Variants in UBE2L3 observed in about 807,000 individuals in gnomAD.
UBE2L3 encodes the protein ubiquitin conjugating enzyme E2 L3.
Under a neutral mutation model 17.8 loss-of-function variants are expected in UBE2L3, and 1 was observed. The observed-to-expected ratio is 0.06, with a 90% confidence interval of 0.02 to 0.27. The LOEUF is 0.27. Among genes scored for constraint, UBE2L3 ranks in the 10% least tolerant of loss-of-function variants. UBE2L3 has a pLI of 1.00. For missense variants in UBE2L3, 40 were observed against 192.6 expected (o/e 0.21, Z 4.69); for synonymous variants, 44 against 68.5 (o/e 0.64, Z 1.76).
chr22:21,593,088 C>G, intron 2 of UBE2L3, 132 bp downstream of exon 2: 1 of 730,398 alleles, frequency 1.4e-6, no homozygotes, highest in Non-Finnish European at 2.4e-6. Context: ...GTGGCTGTCG[C>G]TCTAGGGTGA....
rs574136348 is a variant in UBE2L3, at chr22:21,595,660, T to G, written c.123+2704T>G. Among the ~76,000 whole-genome samples, 35 of 152,336 alleles carry G rather than the reference T, an allele frequency of 2.3e-4. 1 individual carries two copies. In the South Asian group the frequency reaches 7.0e-3, roughly 31 times the overall value. ...GTCTATTCCCTTTAAACATTTGTTTTTCTGTAATTTTTTTTCATCTAAGAT... is the reference window on the plus strand; with the variant it reads ...GTCTATTCCCTTTAAACATTTGTTTGTCTGTAATTTTTTTTCATCTAAGAT... On this transcript the variant is annotated intron_variant, in intron 2 of 3. Coordinates refer to ENST00000342192, the MANE Select transcript of UBE2L3 (RefSeq NM_003347.4).
At chr22:21,615,123 C>A (rs1929696710) in intron 3 of UBE2L3, among the ~76,000 whole-genome samples, 1 of 151,922 alleles carries the variant, frequency 6.6e-6, no homozygotes, top group Non-Finnish European at 1.5e-5. Context: ...CCATTGCACT[C>A]CAGCCTGGGC....
chr22:21,577,685 AGG>A (rs1263247781), intron 1 of UBE2L3, among the ~76,000 whole-genome samples: 2 of 152,116 alleles, frequency 1.3e-5, no homozygotes, highest in African/African-American at 4.8e-5. Context: ...GGAGAAGAAG[AGG>A]GTTCATTTCA....
At chr22:21,576,520 G>A (rs528406006) in intron 1 of UBE2L3, among the ~76,000 whole-genome samples, 61 of 151,742 alleles carry the variant, frequency 4.0e-4, no homozygotes, top group African/African-American at 1.4e-3. Context: ...GGATGGTCTC[G>A]ATCTCCTGAC....
chr22:21,614,555 A>G lies in UBE2L3; in HGVS notation c.310+3512A>G, dbSNP rs182238120. 2.2e-4 allele frequency: 302 copies of G among 1,367,352 alleles called. No individual in the cohort carries two copies. In the African/African-American group the frequency reaches 4.1e-3, roughly 19 times the overall value. The allele number at this position is 1,367,352 out of a possible 1,614,324, so 84.7% of individuals were successfully genotyped here. ...ATTTTTGTCTCCTGCCCTTGTCCTT[A>G]GAAACTTCAGCGTTCCCAATTATGG... On this transcript the variant is annotated intron_variant, in intron 3 of 3. Transcript: ENST00000342192.
intron 2 of UBE2L3, among the ~76,000 whole-genome samples, chr22:21,599,023 G>A (rs987253638): frequency 6.6e-6 from 1 of 151,622 alleles, no homozygotes; most frequent in Non-Finnish European, 1.5e-5. Flanking sequence ...TGTATTTTTA[G>A]TAGACACAGG....
chr22:21,615,886 A>G (rs1929744486), intron 3 of UBE2L3, among the ~76,000 whole-genome samples: 1 of 152,000 alleles, frequency 6.6e-6, no homozygotes, highest in African/African-American at 2.4e-5. Flanking sequence ...AACTTCTTGG[A>G]TTTTGTGCTT....
intron 1 of UBE2L3, among the ~76,000 whole-genome samples, chr22:21,569,797 A>G (rs1926858430): frequency 6.6e-6 from 1 of 152,148 alleles, no homozygotes; most frequent in Non-Finnish European, 1.5e-5. Context: ...TGAAGTAGAC[A>G]TTGTGATTTC....
intron 1 of UBE2L3, among the ~76,000 whole-genome samples, chr22:21,569,894 CCAAAG>C (rs1468600367): frequency 2.0e-5 from 3 of 152,302 alleles, no homozygotes; most frequent in African/African-American, 7.2e-5. Context: ...GGTTCTTTCT[CCAAAG>C]CAAAGTCTCC....
In UBE2L3 at chr22:21,624,019, A is replaced by T. The variant is rs1930189043; in HGVS notation, c.*2350A>T. 6.6e-6 allele frequency: 1 copy of T among 152,390 alleles called. No homozygotes were observed. The allele number at this position is 152,390 out of a possible 1,614,324, so 9.4% of individuals were successfully genotyped here. Reference sequence around the variant, plus strand: ...TCCCGTTCTGCTGCCCGTAATAAAAATGCTCTCAGACACTGGTTAGTCGTG... The same window carrying T: ...TCCCGTTCTGCTGCCCGTAATAAAATTGCTCTCAGACACTGGTTAGTCGTG... On this transcript the variant is annotated 3_prime_UTR_variant, in exon 4 of 4. Transcript: ENST00000342192.
At chr22:21,576,877 C>T (rs1249616875) in intron 1 of UBE2L3, among the ~76,000 whole-genome samples, 1 of 145,552 alleles carries the variant, frequency 6.9e-6, no homozygotes, top group Non-Finnish European at 1.5e-5. Flanking sequence ...GATCTTGGCT[C>T]ACTGCAACCT....
Position 21,621,546 on chromosome 22 carries a change from C to A in UBE2L3, c.342C>A (p.Asp114Glu), listed in dbSNP as rs200807625. 1 of 1,611,852 alleles carries A rather than the reference C, an allele frequency of 6.2e-7. No individual in the cohort carries two copies. Among genetic ancestry groups the A allele is most frequent in the East Asian group, 2.2e-5 (1 of 44,882 alleles). Residue 114 changes from aspartate to glutamate, a missense_variant, in exon 4 of 4, where the codon GAC becomes GAA. Physicochemically the swap from Asp to Glu is conservative, Grantham distance 45. Transcript: ENST00000342192. ...AGTCCCTCATAGCACTGGTGAATGA[C>A]CCCCAGCCTGAGCACCCGCTTCGGG... is the stretch of plus-strand genomic sequence containing the variant. ...VIQSLIALVN[D>E]PQPEHPLRAD...
At chr22:21,616,676 T>A (rs1307582452) in intron 3 of UBE2L3, among the ~76,000 whole-genome samples, 3 of 145,454 alleles carry the variant, frequency 2.1e-5, no homozygotes, top group Non-Finnish European at 4.5e-5. Context: ...AAAAAAAAAA[T>A]TAGCCAGGCG....
intron 3 of UBE2L3, 102 bp downstream of exon 3, chr22:21,611,145 C>T: frequency 7.5e-7 from 1 of 1,336,234 alleles, no homozygotes; most frequent in East Asian, 2.5e-5. Context: ...GAGAATCTTT[C>T]AGGTACACGA....
intron 1 of UBE2L3, 112 bp downstream of exon 1, chr22:21,567,883 C>G: frequency 6.5e-7 from 1 of 1,537,052 alleles, no homozygotes; most frequent in Non-Finnish European, 8.8e-7. Context: ...CTGCCCTACA[C>G]GGCCTCGTCG....
intron 3 of UBE2L3, among the ~76,000 whole-genome samples, chr22:21,612,360 T>C (rs1441133643): frequency 6.6e-6 from 1 of 152,182 alleles, no homozygotes; most frequent in Non-Finnish European, 1.5e-5. Context: ...GGAGTCTCGC[T>C]CTGTCACCAG....
intron 2 of UBE2L3, among the ~76,000 whole-genome samples, chr22:21,608,719 C>G (rs1929307917): frequency 6.6e-6 from 1 of 150,950 alleles, no homozygotes; most frequent in Non-Finnish European, 1.5e-5. Flanking sequence ...GCCACTGAGC[C>G]TGGCCCAGGC....
chr22:21,572,750 A>G (rs1927051149), intron 1 of UBE2L3, among the ~76,000 whole-genome samples: 1 of 151,950 alleles, frequency 6.6e-6, no homozygotes, highest in South Asian at 2.1e-4. Context: ...TTTCTTGGGA[A>G]CGGCACATAG....
chr22:21,557,801 G>C (rs367947424), intron 1 of UBE2L3, among the ~76,000 whole-genome samples: 8 of 152,332 alleles, frequency 5.3e-5, no homozygotes, highest in East Asian at 1.9e-4. Flanking sequence ...GATTACAGGT[G>C]TGAGCCATAG....
Sources: allele counts gnomAD v4.1 joint callset (sites outside exome capture counted in the v4.1 genomes callset), GRCh38; gene constraint gnomAD v4.1.1; transcripts MANE v1.5; gene names NCBI Gene and HGNC (gene_info 2026-07-23, HGNC 2026-07-21).